The following C9orf43 variants were observed in gnomAD, a reference collection of about 807,000 sequenced individuals.
The protein encoded by C9orf43 is chromosome 9 open reading frame 43.
C9orf43 carries 45 observed loss-of-function variants against 59.1 expected under a neutral mutation model. That is an observed-to-expected ratio of 0.76 (90% CI 0.60 to 0.98). C9orf43 has a LOEUF of 0.98. C9orf43 is among the 50% of genes least tolerant of loss of function. C9orf43 has a pLI of 0.00. For missense variants in C9orf43, 533 were observed against 554.9 expected (o/e 0.96, Z 0.40); for synonymous variants, 203 against 196.8 (o/e 1.03, Z -0.26).
intron 5 of C9orf43, among the ~76,000 whole-genome samples, chr9:113,421,409 TC>T (rs1347208041): frequency 6.6e-6 from 1 of 151,734 alleles, no homozygotes; most frequent in African/African-American, 2.4e-5. Context: ...GTGGGACTTC[TC>T]CATATCAAAT....
In C9orf43 at chr9:113,424,196, C is replaced by G. The variant is rs372912068; in HGVS notation, c.687C>G (p.Leu229=). ...ELLPGGKQTM[L]CPEMKIKLAM... is the part of the protein sequence containing the mutation. The stretch of plus-strand genomic sequence containing the variant: ...TGCCAGGTGGAAAGCAAACCATGCT[C>G]TGTCCAGAGATGAAGATAAAATTGG... The change falls in exon 8 of 14, where the codon CTC becomes CTG. Residue 229 remains leucine (L), a synonymous_variant. Coordinates refer to ENST00000374165, the MANE Select transcript of C9orf43 (RefSeq NM_001278629.2). The G allele has an allele frequency of 1.9e-6, 3 of 1,612,242 alleles. No homozygotes were observed. The highest frequency in any genetic ancestry group is 2.5e-6 in the Non-Finnish European group (3 of 1,179,216).
rs1019355683 is a variant in C9orf43, at chr9:113,425,533, A to G, written c.943-110A>G. 18 of 1,485,650 alleles carry G rather than the reference A, an allele frequency of 1.2e-5. No homozygotes were observed. The African/African-American group carries it at 1.4e-4, about 12-fold the overall frequency. The allele number at this position is 1,485,650 out of a possible 1,614,324, so 92.0% of individuals were successfully genotyped here. On this transcript the variant is annotated intron_variant, in intron 10 of 13. Coordinates refer to ENST00000374165, the MANE Select transcript of C9orf43 (RefSeq NM_001278629.2). ...GTTTTCTATCTGGTTATAGATAAAA[A>G]GTTCTTGTCTGGTTGTAGATGTTAA...
intron 3 of C9orf43, among the ~76,000 whole-genome samples, chr9:113,415,325 G>A (rs915117677): frequency 6.6e-6 from 1 of 151,796 alleles, no homozygotes; most frequent in Non-Finnish European, 1.5e-5. Flanking sequence ...TGGATTTTTT[G>A]TATAGACAGG....
At chr9:113,423,301 A>G in intron 6 of C9orf43, 25 bp from the exon 7 acceptor site, 1 of 1,610,840 alleles carries the variant, frequency 6.2e-7, no homozygotes, top group Non-Finnish European at 8.5e-7. Flanking sequence ...GCTTTGGAGA[A>G]TTCTTTCCAT....
rs1266879599 is a variant in C9orf43, at chr9:113,429,240, G to A, written c.1240G>A (p.Ala414Thr). Residue 414 changes from alanine to threonine, a missense_variant, in exon 14 of 14, where the codon GCC becomes ACC. By Grantham distance (58) the Ala-to-Thr change is moderately conservative. Coordinates refer to ENST00000374165, the MANE Select transcript of C9orf43 (RefSeq NM_001278629.2). ...ISAPVDAVPEAQAARQKKISF... is the reference protein window; with the variant it reads ...ISAPVDAVPETQAARQKKISF... ...TGCTCCAGTGGACGCTGTGCCAGAA[G>A]CCCAGGCTGCCAGGCAAAAGAAGAT... 11 of 1,614,146 alleles carry A rather than the reference G, an allele frequency of 6.8e-6. No individual in the cohort carries two copies. The highest frequency in any genetic ancestry group is 8.5e-6 in the Non-Finnish European group (10 of 1,180,048).
At chr9:113,424,137 ACTGT>A (rs1828691586) in intron 7 of C9orf43, 25 bp from the exon 8 acceptor site, 1 of 1,555,296 alleles carries the variant, frequency 6.4e-7, no homozygotes, top group South Asian at 1.2e-5. Flanking sequence ...GCTGTTGCTG[ACTGT>A]CTGGCTGTCC....
chr9:113,428,247 C>T (rs1482057585), intron 12 of C9orf43, 24 bp downstream of exon 12: 2 of 1,604,762 alleles, frequency 1.2e-6, no homozygotes, highest in East Asian at 2.2e-5. Context: ...AAGGCCTCTG[C>T]TAGGACCCAG....
In C9orf43 at chr9:113,413,532, C is replaced by T. The variant is rs756867505; in HGVS notation, c.39C>T (p.Thr13=). The T allele has an allele frequency of 6.2e-7, 1 of 1,614,004 alleles. No homozygotes were observed. Among genetic ancestry groups the T allele is most frequent in the African/African-American group, 1.3e-5 (1 of 74,934 alleles). ...ATGAGAGCCAGTGGGACGAAACCAC[C>T]TGTGGCTTGGCTGTTTGTCAGCACC... ...LPDESQWDET[T]CGLAVCQHPQ... Residue 13 remains threonine (T), a synonymous_variant, in exon 2 of 14, where the codon ACC becomes ACT. Coordinates refer to ENST00000374165, the MANE Select transcript of C9orf43 (RefSeq NM_001278629.2).
chr9:113,415,993 C>T lies in C9orf43; in HGVS notation c.287+2099C>T, dbSNP rs1465465512. On this transcript the variant is annotated intron_variant, in intron 3 of 13. Transcript: ENST00000374165. ...CCTATGATATGCTTCATATTCATAC[C>T]CAGGGACACACTCCGCCCCTGCCAT... 2.0e-5 allele frequency among the ~76,000 whole-genome samples: 3 copies of T among 152,052 alleles called. No individual in the cohort carries two copies. In the East Asian group the frequency reaches 5.8e-4, roughly 29 times the overall value.
At chr9:113,428,025 C>T in intron 11 of C9orf43, 122 bp from the exon 12 acceptor site, 1 of 869,732 alleles carries the variant, frequency 1.1e-6, no homozygotes, top group Admixed American at 2.0e-5. Context: ...TTTTACCTGC[C>T]ATCAAGGTCT....
chr9:113,428,342 C>A, intron 12 of C9orf43, 119 bp downstream of exon 12: 1 of 1,004,414 alleles, frequency 1.0e-6, no homozygotes, highest in Non-Finnish European at 1.5e-6. Flanking sequence ...GTTGACTGGA[C>A]AGTTGTTCTT....
chr9:113,428,725 A>G (rs765146439), intron 12 of C9orf43, among the ~76,000 whole-genome samples, 175 bp from the exon 13 acceptor site: 4 of 152,186 alleles, frequency 2.6e-5, no homozygotes, highest in Non-Finnish European at 5.9e-5. Context: ...TTCTAGGTTC[A>G]TTTGGACAGC....
At chr9:113,427,469 G>A (rs1472650118) in intron 11 of C9orf43, among the ~76,000 whole-genome samples, 4 of 152,218 alleles carry the variant, frequency 2.6e-5, no homozygotes, top group African/African-American at 9.6e-5. Context: ...GAGCCACTGC[G>A]CCCAGCCAAG....
rs373298089 is a variant in C9orf43, at chr9:113,418,781, G to A, written c.288-327G>A. On this transcript the variant is annotated intron_variant, in intron 3 of 13. Transcript: ENST00000374165. ...ATATACCGCATTTTATTTATGTAAC[G>A]TATTTTGAACATCTACATCAAAGTA... Among the ~76,000 whole-genome samples, 12 of 152,232 alleles carry A rather than the reference G, an allele frequency of 7.9e-5. No homozygotes were observed. The South Asian group carries it at 1.2e-3, about 16-fold the overall frequency.
rs747577139 is a variant in C9orf43 at position 113,425,623 on chromosome 9, C to T, written c.943-20C>T. 44 of 1,602,386 alleles carry T rather than the reference C, an allele frequency of 2.7e-5. No homozygotes were observed. Among genetic ancestry groups the T allele is most frequent in the Admixed American group, 8.8e-5 (5 of 57,022 alleles). ...TTACTTCCAAAAATCCTAATTTGTT[C>T]CTCCTGATGTGGGTTTCAGGAGGCT... On this transcript the variant is annotated intron_variant, in intron 10 of 13. Coordinates refer to ENST00000374165, the MANE Select transcript of C9orf43 (RefSeq NM_001278629.2).
intron 5 of C9orf43, among the ~76,000 whole-genome samples, chr9:113,421,459 C>T (rs1041130873): frequency 6.6e-6 from 1 of 151,776 alleles, no homozygotes; most frequent in Non-Finnish European, 1.5e-5. Context: ...TAGGGCTCAA[C>T]TTACTTATAA....
Position 113,425,375 on chromosome 9 carries a change from G to A in C9orf43, c.897G>A (p.Gln299=). 1.2e-6 allele frequency: 2 copies of A among 1,613,978 alleles called. No homozygotes were observed. Among genetic ancestry groups the A allele is most frequent in the African/African-American group, 2.7e-5 (2 of 75,010 alleles). The change falls in exon 10 of 14, where the codon CAG becomes CAA. Residue 299 remains glutamine (Q), a synonymous_variant. Coordinates refer to ENST00000374165, the MANE Select transcript of C9orf43 (RefSeq NM_001278629.2). ...GYRKQQQRQQ[Q]QQQQQKKVKT... The stretch of plus-strand genomic sequence containing the variant: ...GGAAACAGCAGCAGCGGCAGCAGCA[G>A]CAGCAGCAGCAACAGAAGAAGGTGA...
Position 113,425,685 on chromosome 9 carries a change from A to C in C9orf43, c.985A>C (p.Thr329Pro), listed in dbSNP as rs1411624958. ...CAAGAGTGATCCAGGGATCCAGAGC[A>C]CTTCACATAAACATCCAGTTACCAC... ...KAKSDPGIQSTSHKHPVTTVH... is the reference protein window; with the variant it reads ...KAKSDPGIQSPSHKHPVTTVH... The change falls in exon 11 of 14, where the codon ACT (threonine) becomes CCT (proline). Residue 329 changes from threonine (T) to proline (P), a missense_variant. Coordinates refer to ENST00000374165, the MANE Select transcript of C9orf43 (RefSeq NM_001278629.2). 2 of 1,614,148 alleles carry C rather than the reference A, an allele frequency of 1.2e-6. No homozygotes were observed. The highest frequency in any genetic ancestry group is 1.7e-6 in the Non-Finnish European group (2 of 1,179,992).
chr9:113,422,430 T>C (rs1164446269), intron 5 of C9orf43, 119 bp from the exon 6 acceptor site: 4 of 1,379,502 alleles, frequency 2.9e-6, no homozygotes, highest in African/African-American at 2.9e-5. Flanking sequence ...TTTGTGGTCA[T>C]CATTCACAAA....
Sources: gnomAD v4.1 joint callset for allele counts (sites outside exome capture counted in the v4.1 genomes callset) on GRCh38, gnomAD v4.1.1 for gene constraint, MANE v1.5 for transcripts, NCBI Gene and HGNC (gene_info 2026-07-23, HGNC 2026-07-21) for gene names.